The following PHIP variants were observed in gnomAD, a reference collection of about 807,000 sequenced individuals.
The protein encoded by PHIP is PHIP subunit of CUL4-Ring ligase complex.
In PHIP, 54 loss-of-function variants were observed where a neutral mutation model predicts 236.8. The observed-to-expected ratio is 0.23, with a 90% confidence interval of 0.18 to 0.29. PHIP has a LOEUF of 0.29. Among genes scored for constraint, PHIP ranks in the 10% least tolerant of loss-of-function variants. The pLI is 1.00. For synonymous variants in PHIP, 756 were observed against 718.9 expected (o/e 1.05, Z -0.83); for missense variants, 1,370 against 2,190.8 (o/e 0.63, Z 7.48).
chr6:79,032,236 G>C (rs1368525257), intron 7 of PHIP, among the ~76,000 whole-genome samples: 1 of 152,182 alleles, frequency 6.6e-6, no homozygotes, highest in East Asian at 1.9e-4. Flanking sequence ...GGCTGATCAG[G>C]GTGGAGTTGC....
At chr6:79,076,423 A>ACTGCCC in intron 4 of PHIP, among the ~76,000 whole-genome samples, 1 of 152,288 alleles carries the variant, frequency 6.6e-6, no homozygotes, top group East Asian at 1.9e-4. Context: ...GACTGCTTTA[A>ACTGCCC]CTGCCCCACA....
chr6:78,961,538 C>A, intron 31 of PHIP, 152 bp downstream of exon 31: 1 of 654,308 alleles, frequency 1.5e-6, no homozygotes, highest in South Asian at 1.9e-5. Context: ...CACTCCAAAT[C>A]TACTGAATAA....
intron 24 of PHIP, 37 bp from the exon 25 acceptor site, chr6:78,970,925 G>A: frequency 7.1e-7 from 1 of 1,411,560 alleles, no homozygotes; most frequent in Non-Finnish European, 9.8e-7. Flanking sequence ...ACCTGGATGT[G>A]TTTCCTTTAA....
At chr6:79,077,755 G>A in intron 2 of PHIP, 26 bp from the exon 3 acceptor site, 3 of 985,018 alleles carry the variant, frequency 3.0e-6, no homozygotes, top group Non-Finnish European at 2.4e-6. Flanking sequence ...GGGGAGAGCT[G>A]AGCCCCGCGC....
chr6:78,994,602 T>C (rs1769492394), intron 19 of PHIP, among the ~76,000 whole-genome samples: 2 of 152,224 alleles, frequency 1.3e-5, no homozygotes, highest in South Asian at 4.1e-4. Context: ...GAAAATTACA[T>C]GAACCTAATA....
intron 22 of PHIP, 89 bp downstream of exon 22, chr6:78,985,263 A>G: frequency 1.3e-6 from 1 of 744,058 alleles, no homozygotes; most frequent in South Asian, 1.6e-5. Flanking sequence ...GAACTTACAG[A>G]GACTTTGAAA....
At chr6:79,032,304 C>T (rs1349537098) in intron 7 of PHIP, among the ~76,000 whole-genome samples, 1 of 152,148 alleles carries the variant, frequency 6.6e-6, no homozygotes. Context: ...AAGTCTGCTG[C>T]ATCCATTGGA....
At chr6:79,008,185 G>A (rs960112209) in intron 15 of PHIP, among the ~76,000 whole-genome samples, 5 of 149,172 alleles carry the variant, frequency 3.4e-5, no homozygotes, top group South Asian at 2.1e-4. Flanking sequence ...GCAAGACTCC[G>A]TCTAAAAAAA....
chr6:79,061,318 T>C (rs1304162717), intron 4 of PHIP, among the ~76,000 whole-genome samples: 3 of 152,164 alleles, frequency 2.0e-5, no homozygotes, highest in East Asian at 3.8e-4. Context: ...ATTTCCACAG[T>C]AGTATCTAGT....
Position 79,077,212 on chromosome 6 carries a change from T to C in PHIP, c.189+236A>G, listed in dbSNP as rs1774214781. On this transcript the variant is annotated intron_variant, in intron 4 of 39. Coordinates refer to ENST00000275034, the MANE Select transcript of PHIP (RefSeq NM_017934.7). ...AACACTCATGACGTATCTTTATTTCTAGCACATTAACAAAATATCACAAAT... is the reference window on the plus strand; with the variant it reads ...AACACTCATGACGTATCTTTATTTCCAGCACATTAACAAAATATCACAAAT... 2.0e-5 allele frequency among the ~76,000 whole-genome samples: 3 copies of C among 152,096 alleles called. No homozygotes were observed. In the South Asian group the frequency reaches 6.2e-4, roughly 32 times the overall value.
intron 39 of PHIP, 39 bp from the exon 40 acceptor site, chr6:78,941,369 C>G: frequency 6.6e-7 from 1 of 1,514,082 alleles, no homozygotes; most frequent in Non-Finnish European, 8.9e-7. Context: ...TATGGAGTTT[C>G]TTTTTTTGTT....
In PHIP at chr6:78,974,058, A is replaced by T. The variant is rs1332518808; in HGVS notation, c.2890-3170T>A. ...ACTTCTGCAGAACTCTCCACCTCAA[A>T]TCAACAGAATATACATTTTTTTCAG... On this transcript the variant is annotated intron_variant, in intron 24 of 39. Transcript: ENST00000275034. Among the ~76,000 whole-genome samples the T allele has an allele frequency of 2.6e-5, 4 of 152,290 alleles. No individual in the cohort carries two copies. In the East Asian group the frequency reaches 7.7e-4, roughly 29 times the overall value.
chr6:79,034,160 GA>G (rs933057793), intron 7 of PHIP, among the ~76,000 whole-genome samples: 2 of 152,126 alleles, frequency 1.3e-5, no homozygotes, highest in African/African-American at 4.8e-5. Flanking sequence ...TATGTTGTTA[GA>G]AAAATGATGC....
chr6:78,946,231 G>C lies in PHIP; in HGVS notation c.4400C>G (p.Pro1467Arg), dbSNP rs1480524658. The C allele has an allele frequency of 1.2e-6, 2 of 1,612,992 alleles. No homozygotes were observed. The highest frequency in any genetic ancestry group is 4.5e-5 in the East Asian group (2 of 44,858). ...GGTAGAGCTTTCTGATTTTAGCTGG[G>C]GTTTTAAGATCCTTTTTTTCCTTTC... ...SPERKKRILKPQLKSESSTSA... is the reference protein window; with the variant it reads ...SPERKKRILKRQLKSESSTSA... Residue 1467 changes from proline (P) to arginine (R), a missense_variant, in exon 38 of 40, where the codon CCC becomes CGC. Physicochemically the swap from Pro to Arg is moderately radical, Grantham distance 103. Coordinates refer to ENST00000275034, the MANE Select transcript of PHIP (RefSeq NM_017934.7).
At chr6:79,058,368 T>C (rs976209768) in intron 6 of PHIP, among the ~76,000 whole-genome samples, 1 of 152,100 alleles carries the variant, frequency 6.6e-6, no homozygotes, top group Non-Finnish European at 1.5e-5. Flanking sequence ...CCTCTCTCCT[T>C]GTCAGCAGTA....
At chr6:78,968,299 T>C (rs1355040659) in intron 27 of PHIP, among the ~76,000 whole-genome samples, 1 of 152,238 alleles carries the variant, frequency 6.6e-6, no homozygotes, top group Non-Finnish European at 1.5e-5. Context: ...TTTTTGACAG[T>C]AAGTATCAGA....
chr6:79,005,440 TAA>T, intron 15 of PHIP, among the ~76,000 whole-genome samples: 1 of 147,740 alleles, frequency 6.8e-6, no homozygotes, highest in African/African-American at 2.5e-5. Flanking sequence ...CCTAGGCAAA[TAA>T]AAAAAAAAGT....
intron 24 of PHIP, among the ~76,000 whole-genome samples, 196 bp from the exon 25 acceptor site, chr6:78,971,084 C>T (rs1446003244): frequency 6.6e-6 from 1 of 152,138 alleles, no homozygotes; most frequent in African/African-American, 2.4e-5. Flanking sequence ...AATAACATTA[C>T]TTTGAATACA....
At chr6:79,052,530 T>C (rs1772846809) in intron 6 of PHIP, among the ~76,000 whole-genome samples, 1 of 152,178 alleles carries the variant, frequency 6.6e-6, no homozygotes, top group Admixed American at 6.5e-5. Flanking sequence ...GTAATATACA[T>C]AGTAAGATTT....
Sources: allele counts gnomAD v4.1 joint callset (sites outside exome capture counted in the v4.1 genomes callset), GRCh38; gene constraint gnomAD v4.1.1; transcripts MANE v1.5; gene names NCBI Gene and HGNC (gene_info 2026-07-23, HGNC 2026-07-21).